Variants in PXDN observed in about 807,000 individuals in gnomAD.
PXDN encodes peroxidasin, also known as peroxidasin homolog.
In PXDN, 77 loss-of-function variants were observed where a neutral mutation model predicts 140.3. The observed-to-expected ratio is 0.55, with a 90% CI of 0.46 to 0.66. PXDN has a LOEUF of 0.66. Ranked by LOEUF, PXDN falls within the 30% of genes least tolerant of loss-of-function variation. The pLI, the probability that PXDN is intolerant of heterozygous loss-of-function variation, is 0.00. For synonymous variants in PXDN, 911 were observed against 857.4 expected (o/e 1.06, Z -1.09); for missense variants, 1,838 against 2,039.5 (o/e 0.90, Z 1.90).
In PXDN at chr2:1,639,443, A is replaced by G. The variant is rs373738225; in HGVS notation, c.3953-21T>C. On this transcript the variant is annotated intron_variant, in intron 19 of 22. Coordinates refer to ENST00000252804, the MANE Select transcript of PXDN (RefSeq NM_012293.3). The surrounding 1 kb of genome is among the most constrained non-coding windows in gnomAD (Gnocchi z 5.0). ...ACAGTCTAAAATGGAAGCACAAAGC[A>G]GAATGTCAGCTCTGAAGGCTCTGAC... The G allele has an allele frequency of 6.7e-5, 108 of 1,613,872 alleles. No individual in the cohort carries two copies. The African/African-American group carries it at 1.3e-3, about 19-fold the overall frequency.
intron 1 of PXDN, among the ~76,000 whole-genome samples, chr2:1,706,745 A>G (rs71277219): frequency 0.014 from 1,480 of 107,148 alleles, 283 homozygotes; most frequent in South Asian, 0.025. Context: ...TCTAAGCATC[A>G]CCTGCCCCAC....
intron 7 of PXDN, among the ~76,000 whole-genome samples, chr2:1,677,691 C>T (rs1249222992): frequency 6.6e-6 from 1 of 152,164 alleles, no homozygotes; most frequent in East Asian, 1.9e-4. Flanking sequence ...TCCCTGGTGG[C>T]TGCTCCGGAG....
chr2:1,674,846 G>A (rs532589238), intron 8 of PXDN, among the ~76,000 whole-genome samples: 3 of 152,178 alleles, frequency 2.0e-5, no homozygotes, highest in African/African-American at 4.8e-5. Flanking sequence ...CTCAGTGCAC[G>A]AGATTCATCA....
intron 1 of PXDN, among the ~76,000 whole-genome samples, chr2:1,742,153 T>G (rs1369419270): frequency 6.6e-6 from 1 of 152,224 alleles, no homozygotes; most frequent in Non-Finnish European, 1.5e-5. Context: ...CTCCTCCTCT[T>G]GGCCACAGGA....
At chr2:1,637,894 C>T (rs112127693) in intron 21 of PXDN, among the ~76,000 whole-genome samples, 4 of 11,454 alleles carry the variant, frequency 3.5e-4, no homozygotes, top group African/African-American at 4.6e-4. Context: ...CTCTAGGTTG[C>T]GGAGGCAGGA....
At chr2:1,744,557 GC>G, upstream of PXDN, 2 of 1,008,048 alleles carry the variant, frequency 2.0e-6, no homozygotes, top group East Asian at 7.4e-5. Context: ...TGCGCGGGGG[GC>G]GGGGGGCGCC....
intron 19 of PXDN, among the ~76,000 whole-genome samples, chr2:1,641,295 G>A (rs1682722118): frequency 6.6e-6 from 1 of 152,072 alleles, no homozygotes; most frequent in Non-Finnish European, 1.5e-5. Context: ...GGGATTACAG[G>A]TGCCCGCCAC....
At position 1,639,251 on chromosome 2, in the gene PXDN, C is replaced by T. The variant is rs982860347; in HGVS notation, c.4073+51G>A. 2.1e-5 allele frequency: 33 copies of T among 1,577,024 alleles called. No homozygotes were observed. The highest frequency in any genetic ancestry group is 5.4e-5 in the African/African-American group (4 of 73,942). On this transcript the variant is annotated intron_variant, in intron 20 of 22. Transcript: ENST00000252804. The surrounding 1 kb of genome is among the most constrained non-coding windows in gnomAD (Gnocchi z 5.0). The stretch of plus-strand genomic sequence containing the variant: ...GATGCCGGTCCTACTGCCCGACGCC[C>T]GCGGTGCGAGGGCCCCTCTGCACAT...
intron 1 of PXDN, among the ~76,000 whole-genome samples, chr2:1,726,881 G>A (rs1685198547): frequency 6.6e-6 from 1 of 152,074 alleles, no homozygotes; most frequent in African/African-American, 2.4e-5. Context: ...ACTTAACATA[G>A]ATCTATGTGA....
intron 16 of PXDN, among the ~76,000 whole-genome samples, chr2:1,652,180 G>C (rs1156709806): frequency 6.6e-6 from 1 of 152,188 alleles, no homozygotes; most frequent in Non-Finnish European, 1.5e-5. Context: ...CCTTTGAGGA[G>C]ACATTTCCAG....
intron 14 of PXDN, among the ~76,000 whole-genome samples, chr2:1,657,771 C>A (rs1415804815): frequency 1.4e-5 from 2 of 144,874 alleles, no homozygotes; most frequent in African/African-American, 5.4e-5. Flanking sequence ...CTAGTCCTTT[C>A]CTGACAGGAA....
At chr2:1,694,715 G>C (rs968603157) in intron 1 of PXDN, among the ~76,000 whole-genome samples, 2 of 152,318 alleles carry the variant, frequency 1.3e-5, no homozygotes, top group South Asian at 2.1e-4. Context: ...GACTCTCCAC[G>C]TAGGAGCTGC....
rs772218033 is a variant in PXDN at position 1,649,450 on chromosome 2, G to T, written c.2330C>A (p.Thr777Asn). 1.9e-6 allele frequency: 3 copies of T among 1,613,992 alleles called. No individual in the cohort carries two copies. The Admixed American group carries it at 5.0e-5, about 27-fold the overall frequency. Residue 777 changes from threonine to asparagine, a missense_variant, in exon 17 of 23, where the codon ACC becomes AAC. Physicochemically the swap from Thr to Asn is moderately conservative, Grantham distance 65. Coordinates refer to ENST00000252804, the MANE Select transcript of PXDN (RefSeq NM_012293.3). The surrounding 1 kb of genome is among the most constrained non-coding windows in gnomAD (Gnocchi z 7.1). ...LKSVYENGFN[T>N]PRGINPHRLY... ...TCGGTGGGGGTTGATGCCCCGAGGG[G>T]TGTTGAAGCCATTCTCGTACACGGA...
intron 1 of PXDN, among the ~76,000 whole-genome samples, chr2:1,726,950 A>C (rs1685200118): frequency 6.6e-6 from 1 of 152,226 alleles, no homozygotes; most frequent in Non-Finnish European, 1.5e-5. Context: ...GGCTTTGGGA[A>C]GGGAAGGGCA....
chr2:1,644,848 T>C, intron 17 of PXDN, 96 bp from the exon 18 acceptor site: 2 of 1,222,656 alleles, frequency 1.6e-6, no homozygotes, highest in African/African-American at 1.5e-5. Flanking sequence ...TCTATCACTA[T>C]TTTACATTAT....
At chr2:1,723,554 A>T (rs989658774) in intron 1 of PXDN, among the ~76,000 whole-genome samples, 9 of 152,152 alleles carry the variant, frequency 5.9e-5, no homozygotes, top group African/African-American at 2.2e-4. Context: ...GGATGAATGG[A>T]CAGATGGATG....
In PXDN at chr2:1,643,354, C is replaced by T. The variant is rs766553053; in HGVS notation, c.3952+14G>A. 6.2e-7 allele frequency: 1 copy of T among 1,609,240 alleles called. No homozygotes were observed. Among genetic ancestry groups the T allele is most frequent in the Non-Finnish European group, 8.5e-7 (1 of 1,176,352 alleles). On this transcript the variant is annotated intron_variant, in intron 19 of 22. Transcript: ENST00000252804. ...GGATGAAAAAGGAACAGACATGGTG[C>T]CCCTGGCACGCACCTTCACAGCAGT...
chr2:1,731,649 C>T (rs1420232532), intron 1 of PXDN, among the ~76,000 whole-genome samples: 1 of 152,206 alleles, frequency 6.6e-6, no homozygotes, highest in Non-Finnish European at 1.5e-5. Context: ...AGTGGGCAGC[C>T]ACAGACGAAA....
chr2:1,732,518 C>A (rs925066244), intron 1 of PXDN, among the ~76,000 whole-genome samples: 1 of 152,162 alleles, frequency 6.6e-6, no homozygotes, highest in African/African-American at 2.4e-5. Flanking sequence ...GATTCACAGG[C>A]AGTTGGTATG....
Sources: allele counts gnomAD v4.1 joint callset (sites outside exome capture counted in the v4.1 genomes callset), GRCh38; gene constraint gnomAD v4.1.1; non-coding constraint Gnocchi (gnomAD v3.1); transcripts MANE v1.5; gene names NCBI Gene and HGNC (gene_info 2026-07-23, HGNC 2026-07-21).